The following MAGEC3 variants were observed in gnomAD, a reference collection of about 807,000 sequenced individuals.
The protein encoded by MAGEC3 is melanoma-associated antigen C3.
Under a neutral mutation model 35.3 loss-of-function variants are expected in MAGEC3, and 34 were observed. The ratio of observed to expected loss-of-function variants is 0.96; its 90% CI spans 0.73 to 1.28. The LOEUF (loss-of-function observed/expected upper bound fraction) is 1.28, where lower values mean the gene tolerates loss of function less well. MAGEC3 is among the 50% of genes most tolerant of loss of function. MAGEC3 has a pLI of 0.00. For missense variants in MAGEC3, 561 were observed against 483.6 expected, an observed-to-expected ratio of 1.16 and a Z score of -1.50; for synonymous variants, 202 against 185.6, an observed-to-expected ratio of 1.09 and a Z score of -0.72.
intron 4 of MAGEC3, among the ~76,000 whole-genome samples, chrX:141,886,655 G>A (rs990464808): frequency 9.1e-6 from 1 of 110,352 alleles, no homozygotes; most frequent in Admixed American, 9.6e-5. Context: ...GTGGGTCCCC[G>A]GACTCATCCT....
intron 6 of MAGEC3, chrX:141,896,596 C>T: frequency 8.4e-7 from 1 of 1,190,021 alleles, no homozygotes. Context: ...CCTGTGGGAT[C>T]CCATCATCCC....
chrX:141,881,038 G>A (rs975586997), intron 3 of MAGEC3, among the ~76,000 whole-genome samples: 1 of 112,406 alleles, frequency 8.9e-6, no homozygotes, highest in South Asian at 3.7e-4. Flanking sequence ...GAACCAAACT[G>A]TGATAGAGAA....
chrX:141,879,413 G>T lies in MAGEC3; in HGVS notation c.497G>T (p.Trp166Leu), dbSNP rs140752145. The change falls in exon 3 of 8, where the codon TGG (tryptophan) becomes TTG (leucine). Residue 166 changes from tryptophan to leucine, a missense_variant. By Grantham distance (61) the Trp-to-Leu change is moderately conservative. Transcript: ENST00000298296. The part of the protein sequence containing the change: ...LPAVSPGKRL[W>L]GEKAGSLPES... Reference sequence around the variant, plus strand: ...GCCGTCAGCCCTGGAAAAAGGTTGTGGGGGGAGAAAGCGGGGAGGTGGGCA... The same window carrying T: ...GCCGTCAGCCCTGGAAAAAGGTTGTTGGGGGAGAAAGCGGGGAGGTGGGCA... 1.4e-5 allele frequency: 17 copies of T among 1,179,541 alleles called. No homozygotes were observed. Among genetic ancestry groups the T allele is most frequent in the East Asian group, 3.1e-5 (1 of 32,290 alleles).
intron 1 of MAGEC3, among the ~76,000 whole-genome samples, chrX:141,844,546 T>A (rs1343477471): frequency 1.8e-5 from 2 of 111,410 alleles, no homozygotes; most frequent in African/African-American, 6.5e-5. Context: ...TCTTCAAAAA[T>A]TGTGGAAAAA....
chrX:141,878,820 C>T (rs2017937220), intron 2 of MAGEC3, among the ~76,000 whole-genome samples: 1 of 111,968 alleles, frequency 8.9e-6, no homozygotes. Context: ...AAATGGGGAC[C>T]TTGATCTGAA....
intron 4 of MAGEC3, 32 bp downstream of exon 4, chrX:141,881,828 G>C (rs748665635): frequency 8.3e-7 from 1 of 1,207,736 alleles, no homozygotes; most frequent in Non-Finnish European, 1.1e-6. Flanking sequence ...TTCGTCTATC[G>C]GGAGCCCAGG....
intron 1 of MAGEC3, among the ~76,000 whole-genome samples, chrX:141,844,645 C>T (rs1222175723): frequency 9.0e-6 from 1 of 111,180 alleles, no homozygotes; most frequent in Admixed American, 9.6e-5. Context: ...CCTTCTCACT[C>T]AATACACCAC....
chrX:141,897,209 C>A lies in MAGEC3; in HGVS notation c.1451C>A (p.Thr484Lys). 8.3e-7 allele frequency: 1 copy of A among 1,211,790 alleles called. No homozygotes were observed. Among genetic ancestry groups the A allele is most frequent in the Non-Finnish European group, 1.1e-6 (1 of 895,411 alleles). Residue 484 changes from threonine (T) to lysine (K), a missense_variant, in exon 7 of 8, where the codon ACG (threonine) becomes AAG (lysine). Thr to Lys is a moderately conservative substitution (Grantham distance 78). Coordinates refer to ENST00000298296, the MANE Select transcript of MAGEC3 (RefSeq NM_138702.1). ...KEPVTKAEML[T>K]TVIKKYKDYF... Reference sequence around the variant, plus strand: ...CCTGTCACAAAGGCAGAGATGCTGACGACTGTCATCAAGAAGTATAAGGAC... The same window carrying A: ...CCTGTCACAAAGGCAGAGATGCTGAAGACTGTCATCAAGAAGTATAAGGAC...
intron 2 of MAGEC3, among the ~76,000 whole-genome samples, chrX:141,878,790 T>C (rs1179489379): frequency 9.0e-6 from 1 of 111,461 alleles, no homozygotes; most frequent in Admixed American, 9.4e-5. Context: ...TTTCACTTCG[T>C]CTTGGGGGGC....
chrX:141,878,313 C>T (rs1386839604), intron 2 of MAGEC3, among the ~76,000 whole-genome samples: 1 of 112,244 alleles, frequency 8.9e-6, no homozygotes, highest in East Asian at 2.8e-4. Flanking sequence ...AACTTGATTA[C>T]CATGGCATCA....
At chrX:141,850,388 A>T (rs776964155) in intron 1 of MAGEC3, among the ~76,000 whole-genome samples, 62 of 111,267 alleles carry the variant, frequency 5.6e-4, no homozygotes, top group African/African-American at 1.7e-3. Flanking sequence ...TGAAATTTTT[A>T]AAAAAAGGTT....
chrX:141,861,723 A>G (rs2017816372), intron 1 of MAGEC3, among the ~76,000 whole-genome samples: 1 of 111,944 alleles, frequency 8.9e-6, no homozygotes, highest in African/African-American at 3.2e-5. Flanking sequence ...GGATAACCAG[A>G]TGCAGAAGAA....
chrX:141,890,700 AAATG>A (rs2018035364), intron 4 of MAGEC3, among the ~76,000 whole-genome samples: 2 of 112,484 alleles, frequency 1.8e-5, no homozygotes, highest in African/African-American at 3.2e-5. Flanking sequence ...ACAATTCCAA[AAATG>A]AGGAGACTTA....
At chrX:141,848,431 T>A (rs192517578) in intron 1 of MAGEC3, among the ~76,000 whole-genome samples, 53 of 110,968 alleles carry the variant, frequency 4.8e-4, no homozygotes, top group Non-Finnish European at 8.4e-4. Context: ...TTAGTAAAGT[T>A]TCAGGATACA....
chrX:141,839,850 A>C, intron 1 of MAGEC3: 1 of 479,331 alleles, frequency 2.1e-6, no homozygotes, highest in African/African-American at 2.6e-5. Flanking sequence ...GCAGCAGGGA[A>C]TGCTACTGGT....
At chrX:141,879,060 C>T (rs1603070681) in intron 2 of MAGEC3, 115 bp from the exon 3 acceptor site, 1 of 897,464 alleles carries the variant, frequency 1.1e-6, no homozygotes. Flanking sequence ...CTCAGTTGCA[C>T]AGAGGCAGGA....
intron 1 of MAGEC3, chrX:141,839,902 G>T: frequency 9.4e-6 from 5 of 533,705 alleles, no homozygotes; most frequent in Non-Finnish European, 1.1e-5. Context: ...GCGTCTTATT[G>T]GACAAAGGAC....
At chrX:141,850,420 G>A (rs767338022) in intron 1 of MAGEC3, among the ~76,000 whole-genome samples, 15 of 111,461 alleles carry the variant, frequency 1.3e-4, no homozygotes, top group Admixed American at 1.0e-3. Context: ...GGAGGTGTAC[G>A]TTCAAAATCT....
At chrX:141,877,959 T>C (rs1035995031) in intron 2 of MAGEC3, among the ~76,000 whole-genome samples, 4 of 111,921 alleles carry the variant, frequency 3.6e-5, no homozygotes, top group African/African-American at 1.3e-4. Flanking sequence ...TTATTTATTA[T>C]TGAACATACT....
Sources: allele counts gnomAD v4.1 joint callset (sites outside exome capture counted in the v4.1 genomes callset), GRCh38; gene constraint gnomAD v4.1.1; transcripts MANE v1.5; gene names NCBI Gene and HGNC (gene_info 2026-07-23, HGNC 2026-07-21).